CFAP46: variants seen among roughly 807,000 people sequenced by gnomAD.
CFAP46 encodes cilia- and flagella-associated protein 46.
Under a neutral mutation model 325.7 loss-of-function variants are expected in CFAP46, and 245 were observed. The ratio of observed to expected loss-of-function variants is 0.75; its 90% CI spans 0.68 to 0.84. The LOEUF (loss-of-function observed/expected upper bound fraction) is 0.84, where lower values mean the gene tolerates loss of function less well. CFAP46 is among the 40% of genes least tolerant of loss of function. CFAP46 has a pLI of 0.00. For synonymous variants in CFAP46, 1,523 were observed against 1,495.9 expected (o/e 1.02, Z -0.42); for missense variants, 3,346 against 3,543.0 (o/e 0.94, Z 1.41).
chr10:132,833,585 G>A (rs992578201), intron 49 of CFAP46, 60 bp from the exon 50 acceptor site: 40 of 1,541,546 alleles, frequency 2.6e-5, no homozygotes, highest in African/African-American at 2.6e-4. Context: ...CCACGGGGTC[G>A]CAGGGCTCCG....
rs191547475 is a variant in CFAP46, at chr10:132,866,628, C to T, written c.4744-457G>A. Among the ~76,000 whole-genome samples, 228 of 152,092 alleles carry T rather than the reference C, an allele frequency of 1.5e-3. 1 individual carries two copies. Among genetic ancestry groups the T allele is most frequent in the Non-Finnish European group, 2.6e-3 (175 of 67,942 alleles). On this transcript the variant is annotated intron_variant, in intron 34 of 57. Coordinates refer to ENST00000368586, the MANE Select transcript of CFAP46 (RefSeq NM_001200049.3). ...CCTGCACTAGGATCTGGGCCTACCC[C>T]GCATCCCCCCAGCCTCTCCTCGCTA...
At chr10:132,935,722 C>T (rs1440992099) in intron 7 of CFAP46, among the ~76,000 whole-genome samples, 1 of 127,008 alleles carries the variant, frequency 7.9e-6, no homozygotes, top group Non-Finnish European at 1.6e-5. Flanking sequence ...TCACTCCCCT[C>T]GGCACCCAAA....
At chr10:132,916,429 G>A (rs749037023) in intron 17 of CFAP46, 120 bp downstream of exon 17, 69 of 1,119,966 alleles carry the variant, frequency 6.2e-5, no homozygotes, top group Middle Eastern at 6.0e-4. Flanking sequence ...CGTCCCCCAC[G>A]CAAGAAGCCG....
At chr10:132,821,055 G>GA (rs1847801211) in intron 50 of CFAP46, among the ~76,000 whole-genome samples, 1 of 139,132 alleles carries the variant, frequency 7.2e-6, no homozygotes. Flanking sequence ...TGTGTGTGCT[G>GA]TGTGCTGTGA....
Position 132,934,978 on chromosome 10 carries a change from A to G in CFAP46, c.756-116T>C, listed in dbSNP as rs1183175173. ...TTTCTCACTGAAGAGGAGACTGAAA[A>G]TAACCCCTCCTGCCTTCTTTCCTCA... On this transcript the variant is annotated intron_variant, in intron 7 of 57. Coordinates refer to ENST00000368586, the MANE Select transcript of CFAP46 (RefSeq NM_001200049.3). 7 of 727,234 alleles carry G rather than the reference A, an allele frequency of 9.6e-6. No individual in the cohort carries two copies. The East Asian group carries it at 1.8e-4, about 19-fold the overall frequency. The allele number at this position is 727,234 out of a possible 1,614,324, so 45.0% of individuals were successfully genotyped here. A position where few individuals can be genotyped will look rare whatever the true frequency, so the allele number is the denominator to read the frequency against.
rs1222733629 is a variant in CFAP46, at chr10:132,912,772, C to G, written c.2382G>C (p.Leu794=). The G allele has an allele frequency of 1.3e-6, 2 of 1,550,222 alleles. No individual in the cohort carries two copies. Among genetic ancestry groups the G allele is most frequent in the Admixed American group, 2.0e-5 (1 of 51,008 alleles). ...CCTGGACTGGAATCCAGCTGATGAT[C>G]AGGCCTCGCGCCAAGGTGTTGCAGA... The part of the protein sequence containing the change: ...VTLCNTLARG[L]IISWIPVQAA... Residue 794 remains leucine, a synonymous_variant, in exon 19 of 58, where the codon CTG becomes CTC. Coordinates refer to ENST00000368586, the MANE Select transcript of CFAP46 (RefSeq NM_001200049.3).
At position 132,938,763 on chromosome 10, in the gene CFAP46, G is replaced by C. The variant is rs373738218; in HGVS notation, c.372-10C>G. On this transcript the variant is annotated splice_polypyrimidine_tract_variant and intron_variant, in intron 4 of 57. Coordinates refer to ENST00000368586, the MANE Select transcript of CFAP46 (RefSeq NM_001200049.3). The stretch of plus-strand genomic sequence containing the variant: ...CACCAAAAAGTAGTACCTGCGGCGC[G>C]AGCAGAGGAAGCAGAGAGCACGCTC... 1.5e-5 allele frequency: 24 copies of C among 1,609,346 alleles called. No individual in the cohort carries two copies. In the African/African-American group the frequency reaches 2.9e-4, roughly 20 times the overall value.
At chr10:132,858,306 T>G (rs1244073938) in intron 38 of CFAP46, among the ~76,000 whole-genome samples, 1 of 39,548 alleles carries the variant, frequency 2.5e-5, no homozygotes, top group African/African-American at 9.1e-5. Context: ...GGCAGGGAGG[T>G]GGGCGGGGCC....
chr10:132,892,458 G>T, intron 24 of CFAP46, 41 bp from the exon 25 acceptor site: 1 of 1,528,960 alleles, frequency 6.5e-7, no homozygotes, highest in Non-Finnish European at 8.9e-7. Context: ...TTTGAAAGTT[G>T]CAAGACAGTC....
rs1363498476 is a variant in CFAP46 at position 132,937,795 on chromosome 10, G to C, written c.537-120C>G. On this transcript the variant is annotated intron_variant, in intron 5 of 57. Transcript: ENST00000368586. ...CACAAAGTTTAAAAGCTACCCTGGGGTCAGCTTCTTCAGCCAGAACCAGGC... is the reference window on the plus strand; with the variant it reads ...CACAAAGTTTAAAAGCTACCCTGGGCTCAGCTTCTTCAGCCAGAACCAGGC... The C allele has an allele frequency of 2.9e-6, 4 of 1,381,244 alleles. No homozygotes were observed. In the African/African-American group the frequency reaches 5.8e-5, roughly 20 times the overall value. 85.6% of individuals were successfully genotyped at this position (1,381,244 alleles called of 1,614,324 possible).
At position 132,876,704 on chromosome 10, in the gene CFAP46, T is replaced by A; in HGVS notation, c.4362+108A>T. ...TGGGGGCTGATGGGACTCTGTCCTGTCCTCCTTTTTCTGGCTACAGTTCAC... is the reference window on the plus strand; with the variant it reads ...TGGGGGCTGATGGGACTCTGTCCTGACCTCCTTTTTCTGGCTACAGTTCAC... On this transcript the variant is annotated intron_variant, in intron 31 of 57. Transcript: ENST00000368586. The surrounding 1 kb of genome is among the most constrained non-coding windows in gnomAD (Gnocchi z 4.1). 8.3e-7 allele frequency: 1 copy of A among 1,199,928 alleles called. No homozygotes were observed. The allele number at this position is 1,199,928 out of a possible 1,614,324, so 74.3% of individuals were successfully genotyped here.
intron 47 of CFAP46, 135 bp downstream of exon 47, chr10:132,835,169 G>C (rs1794469531): frequency 1.6e-6 from 2 of 1,216,908 alleles, no homozygotes; most frequent in African/African-American, 1.5e-5. Flanking sequence ...CAGTGCCCGG[G>C]TGTTGGGATG....
chr10:132,866,016 G>C lies in CFAP46; in HGVS notation c.4890+9C>G, dbSNP rs1564784241. ...TGTGGATGGTGATGGGCTGGGAGGG[G>C]CTCCTCACCTGGAAAGCCAGGTAAG... On this transcript the variant is annotated intron_variant, in intron 35 of 57. Coordinates refer to ENST00000368586, the MANE Select transcript of CFAP46 (RefSeq NM_001200049.3). 1 of 1,496,316 alleles carries C rather than the reference G, an allele frequency of 6.7e-7. No homozygotes were observed. Among genetic ancestry groups the C allele is most frequent in the Admixed American group, 2.2e-5 (1 of 44,752 alleles). 92.7% of individuals were successfully genotyped at this position (1,496,316 alleles called of 1,614,324 possible).
intron 8 of CFAP46, among the ~76,000 whole-genome samples, chr10:132,933,657 C>G (rs929145189): frequency 6.6e-6 from 1 of 152,270 alleles, no homozygotes; most frequent in Non-Finnish European, 1.5e-5. Flanking sequence ...CCTGGGGCCC[C>G]TCCCTCGAGG....
At chr10:132,907,594 T>C (rs1377478858) in intron 22 of CFAP46, among the ~76,000 whole-genome samples, 1 of 152,236 alleles carries the variant, frequency 6.6e-6, no homozygotes, top group Non-Finnish European at 1.5e-5. Context: ...CAAAGCTGTA[T>C]GTCGTTAGAA....
At chr10:132,823,182 CTGTGTGCTGATGTGTGCTGTG>C (rs1564767005) in intron 50 of CFAP46, among the ~76,000 whole-genome samples, 1 of 115,044 alleles carries the variant, frequency 8.7e-6, no homozygotes, top group African/African-American at 3.7e-5. Flanking sequence ...TGTCTGTGCG[CTGTGTGCTGATGTGTGCTGTG>C]TGTGTGCTGA....
At chr10:132,912,309 C>A (rs1849555923) in intron 19 of CFAP46, among the ~76,000 whole-genome samples, 1 of 89,992 alleles carries the variant, frequency 1.1e-5, no homozygotes, top group Non-Finnish European at 2.0e-5. Context: ...CTCTCTTTCT[C>A]CTGTCTCTTC....
At chr10:132,844,853 A>G (rs961757645) in intron 44 of CFAP46, among the ~76,000 whole-genome samples, 2 of 152,042 alleles carry the variant, frequency 1.3e-5, no homozygotes, top group African/African-American at 4.8e-5. Context: ...GGGCAGCCCA[A>G]TTTTTTTGAG....
chr10:132,884,458 G>A lies in CFAP46; in HGVS notation c.3627+645C>T, dbSNP rs140322966. On this transcript the variant is annotated intron_variant, in intron 27 of 57. Transcript: ENST00000368586. This position sits in a 1 kb window ranked among gnomAD's most constrained non-coding sequence, Gnocchi z 5.4. ...CTCGTGTAACAGAAAAGCCTTTTAA[G>A]ATCTTCACTAATGTTGAAAGGTTCA... Among the ~76,000 whole-genome samples the A allele has an allele frequency of 6.6e-6, 1 of 152,356 alleles. No homozygotes were observed. Among genetic ancestry groups the A allele is most frequent in the Non-Finnish European group, 1.5e-5 (1 of 68,036 alleles).
Sources: allele counts gnomAD v4.1 joint callset (sites outside exome capture counted in the v4.1 genomes callset), GRCh38; gene constraint gnomAD v4.1.1; non-coding constraint Gnocchi (gnomAD v3.1); transcripts MANE v1.5; gene names NCBI Gene and HGNC (gene_info 2026-07-23, HGNC 2026-07-21).